The following SMC4 variants were observed in gnomAD, a reference collection of about 807,000 sequenced individuals.
SMC4 encodes the protein structural maintenance of chromosomes protein 4.
SMC4 carries 87 observed loss-of-function variants against 145.6 expected under a neutral mutation model. The observed-to-expected ratio is 0.60, with a 90% CI of 0.50 to 0.71. SMC4 has a LOEUF of 0.71. Ranked by LOEUF, SMC4 falls within the 30% of genes least tolerant of loss-of-function variation. SMC4 has a pLI of 0.00. For missense variants in SMC4, 1,447 were observed against 1,537.1 expected (o/e 0.94, Z 0.98); for synonymous variants, 558 against 500.7 (o/e 1.11, Z -1.53).
In SMC4 at chr3:160,423,801, A is replaced by C; in HGVS notation, c.2286A>C (p.Arg762Ser). 1 of 1,613,792 alleles carries C rather than the reference A, an allele frequency of 6.2e-7. No homozygotes were observed. Among genetic ancestry groups the C allele is most frequent in the Non-Finnish European group, 8.5e-7 (1 of 1,179,868 alleles). ...GTGGAAGCAAAGTAATGAAAGGAAG[A>C]ATGGGTTCCTCACTTGTTATTGAAA... ...TGGGSKVMKG[R>S]MGSSLVIEIS... Residue 762 changes from arginine to serine, a missense_variant, in exon 15 of 24, where the codon AGA becomes AGC. By Grantham distance (110) the Arg-to-Ser change is moderately radical (BLOSUM62 -1). Coordinates refer to ENST00000357388, the MANE Select transcript of SMC4 (RefSeq NM_001002800.3).
chr3:160,419,594 T>C (rs966863945), intron 12 of SMC4, 51 bp downstream of exon 12: 4 of 1,518,988 alleles, frequency 2.6e-6, no homozygotes, highest in Non-Finnish European at 3.5e-6. Flanking sequence ...TTTAAGAAAG[T>C]GTAACTTATT....
intron 16 of SMC4, 86 bp downstream of exon 16, chr3:160,425,105 G>A (rs1717643468): frequency 1.7e-5 from 25 of 1,448,760 alleles, no homozygotes; most frequent in Non-Finnish European, 2.2e-5. Flanking sequence ...TTTGCTATTT[G>A]CTTACAATTT....
rs761673518 is a variant in SMC4 at position 160,417,914 on chromosome 3, T to G, written c.1629T>G (p.Asp543Glu). The G allele has an allele frequency of 6.2e-7, 1 of 1,612,792 alleles. No individual in the cohort carries two copies. The highest frequency in any genetic ancestry group is 2.2e-5 in the East Asian group (1 of 44,848). The change falls in exon 11 of 24, where the codon GAT becomes GAG. Residue 543 changes from aspartate (D) to glutamate (E), a missense_variant. Asp to Glu is a conservative substitution (Grantham distance 45). Transcript: ENST00000357388. ...TLKERKAAIR[D>E]IEGKLPQTEQ... The stretch of plus-strand genomic sequence containing the variant: ...AAGAAAGGAAAGCTGCAATCAGAGA[T>G]ATAGAAGGAAAACTCCCTCAAACTG...
At chr3:160,411,869 T>G in intron 5 of SMC4, 51 bp from the exon 6 acceptor site, 1 of 1,496,260 alleles carries the variant, frequency 6.7e-7, no homozygotes, top group Non-Finnish European at 9.1e-7. Context: ...CACTTAAGAT[T>G]GATTTAGCTA....
intron 5 of SMC4, among the ~76,000 whole-genome samples, chr3:160,409,636 C>G (rs1045819675): frequency 6.6e-6 from 1 of 152,160 alleles, no homozygotes; most frequent in Non-Finnish European, 1.5e-5. Context: ...CCATTTGACT[C>G]AAATGTAAGT....
chr3:160,401,875 CGCCGT>C (rs774750270), intron 2 of SMC4, 35 bp from the exon 3 acceptor site: 102 of 1,527,884 alleles, frequency 6.7e-5, no homozygotes, highest in Non-Finnish European at 8.7e-5. Context: ...GCTTTTCCCC[CGCCGT>C]TTGCCTTCGT....
chr3:160,431,254 AAGG>A (rs768950946), intron 20 of SMC4, 49 bp downstream of exon 20: 72 of 1,480,742 alleles, frequency 4.9e-5, no homozygotes, highest in Non-Finnish European at 5.8e-5. Context: ...CTTTATGAAA[AAGG>A]AGGGTTTGGG....
intron 17 of SMC4, among the ~76,000 whole-genome samples, chr3:160,427,009 C>G (rs1189686064): frequency 1.3e-5 from 2 of 152,110 alleles, no homozygotes; most frequent in Non-Finnish European, 2.9e-5. Context: ...AGCGATTATC[C>G]AACTGCTCCA....
intron 10 of SMC4, among the ~76,000 whole-genome samples, chr3:160,417,442 C>T (rs1716704205): frequency 6.6e-6 from 1 of 151,974 alleles, no homozygotes; most frequent in African/African-American, 2.4e-5. Context: ...TGCCCTGCAC[C>T]CCATGTTAAT....
At position 160,414,403 on chromosome 3, in the gene SMC4, T is replaced by A; in HGVS notation, c.1158T>A (p.Asn386Lys). 1 of 1,607,690 alleles carries A rather than the reference T, an allele frequency of 6.2e-7. No individual in the cohort carries two copies. Among genetic ancestry groups the A allele is most frequent in the Non-Finnish European group, 8.5e-7 (1 of 1,176,220 alleles). The change falls in exon 9 of 24, where the codon AAT (asparagine) becomes AAA (lysine). Residue 386 changes from asparagine to lysine, a missense_variant. Physicochemically the swap from Asn to Lys is moderately conservative, Grantham distance 94 (BLOSUM62 0). Transcript: ENST00000357388. ...AAATTACAAAATTTATTGAGGAGAA[T>A]AAAGAAAAATTTACACAGCTAGATT... ...LNKITKFIEE[N>K]KEKFTQLDLE...
intron 5 of SMC4, among the ~76,000 whole-genome samples, chr3:160,410,062 CAA>C (rs985663441): frequency 5.2e-4 from 79 of 152,196 alleles, no homozygotes; most frequent in African/African-American, 1.9e-3. Flanking sequence ...GGTGACAGAA[CAA>C]GACCCTGTCT....
At chr3:160,421,580 C>T (rs1408421650) in intron 13 of SMC4, among the ~76,000 whole-genome samples, 1 of 152,018 alleles carries the variant, frequency 6.6e-6, no homozygotes, top group Non-Finnish European at 1.5e-5. Context: ...CCCATCTCTA[C>T]TAAAAATACA....
intron 17 of SMC4, among the ~76,000 whole-genome samples, chr3:160,427,077 C>T (rs1297969146): frequency 6.6e-6 from 1 of 152,214 alleles, no homozygotes; most frequent in Non-Finnish European, 1.5e-5. Context: ...CACATTTCCA[C>T]AATGCATATC....
intron 4 of SMC4, 27 bp from the exon 5 acceptor site, chr3:160,404,301 T>G: frequency 6.3e-7 from 1 of 1,583,290 alleles, no homozygotes; most frequent in Non-Finnish European, 8.5e-7. Context: ...AACAATTGTT[T>G]TCTGGTTTTG....
chr3:160,408,302 A>G (rs1159865877), intron 5 of SMC4, among the ~76,000 whole-genome samples: 1 of 152,216 alleles, frequency 6.6e-6, no homozygotes, highest in Non-Finnish European at 1.5e-5. Context: ...CATCATACCT[A>G]TTCATTCCTC....
chr3:160,424,832 T>C, intron 15 of SMC4, 35 bp from the exon 16 acceptor site: 1 of 1,610,680 alleles, frequency 6.2e-7, no homozygotes, highest in Non-Finnish European at 8.5e-7. Context: ...TTTCTGTCAA[T>C]CTGAAATGGC....
intron 5 of SMC4, among the ~76,000 whole-genome samples, chr3:160,405,372 C>G (rs747206171): frequency 4.0e-5 from 6 of 150,306 alleles, no homozygotes; most frequent in Non-Finnish European, 7.4e-5. Context: ...CTGTTTGATT[C>G]GAGGGTATCT....
intron 18 of SMC4, 112 bp downstream of exon 18, chr3:160,429,054 A>T: frequency 1.2e-6 from 1 of 868,498 alleles, no homozygotes; most frequent in South Asian, 2.0e-5. Flanking sequence ...AATTTATTGA[A>T]CCTGTCTGAC....
At chr3:160,411,351 A>T (rs1346632299) in intron 5 of SMC4, among the ~76,000 whole-genome samples, 1 of 152,192 alleles carries the variant, frequency 6.6e-6, no homozygotes, top group African/African-American at 2.4e-5. Flanking sequence ...AGAAAACTGA[A>T]CATGTAAGTT....
Sources: gnomAD v4.1 joint callset for allele counts (sites outside exome capture counted in the v4.1 genomes callset) on GRCh38, gnomAD v4.1.1 for gene constraint, MANE v1.5 for transcripts, NCBI Gene and HGNC (gene_info 2026-07-23, HGNC 2026-07-21) for gene names.